GPNMB: variants seen among roughly 807,000 people sequenced by gnomAD.
GPNMB encodes the protein glycoprotein nmb, also known as transmembrane glycoprotein NMB.
A neutral mutation model predicts 57.3 loss-of-function variants in GPNMB; 71 were observed. The observed-to-expected ratio is 1.24, with a 90% confidence interval of 1.02 to 1.51. The LOEUF (loss-of-function observed/expected upper bound fraction) is 1.51, where lower values mean the gene tolerates loss of function less well. Ranked by LOEUF, GPNMB falls within the 40% of genes most tolerant of loss-of-function variation. The pLI, the probability that GPNMB is intolerant of heterozygous loss-of-function variation, is 0.00. For missense variants in GPNMB, 677 were observed against 691.9 expected, an observed-to-expected ratio of 0.98 and a Z score of 0.24; for synonymous variants, 253 against 263.2, an observed-to-expected ratio of 0.96 and a Z score of 0.38.
At chr7:23,260,270 A>G (rs1303470768) in intron 5 of GPNMB, 132 bp downstream of exon 5, 2 of 1,066,282 alleles carry the variant, frequency 1.9e-6, no homozygotes, top group African/African-American at 3.2e-5. Context: ...TGTGTATTTA[A>G]TTAGTTGTAG....
chr7:23,266,703 G>A, intron 7 of GPNMB, 88 bp downstream of exon 7: 2 of 1,225,376 alleles, frequency 1.6e-6, no homozygotes, highest in Middle Eastern at 2.0e-4. Context: ...AAGGGGTAGA[G>A]GTAGGTGGTA....
rs1783292277 is a variant in GPNMB at position 23,274,552 on chromosome 7, G to A, written c.*328G>A. 1 of 183,532 alleles carries A rather than the reference G, an allele frequency of 5.4e-6. No homozygotes were observed. Among genetic ancestry groups the A allele is most frequent in the Non-Finnish European group, 1.1e-5 (1 of 88,456 alleles). 11.4% of individuals were successfully genotyped at this position (183,532 alleles called of 1,614,324 possible). On this transcript the variant is annotated 3_prime_UTR_variant, in exon 11 of 11. Transcript: ENST00000258733. ...AGGAGAGAAGCTACTATTGATTAGAGCCTAACCCAGGTTAACTGCAAGAAG... is the reference window on the plus strand; with the variant it reads ...AGGAGAGAAGCTACTATTGATTAGAACCTAACCCAGGTTAACTGCAAGAAG...
At chr7:23,269,940 C>T (rs369473927) in intron 8 of GPNMB, 27 bp from the exon 9 acceptor site, 76 of 1,554,342 alleles carry the variant, frequency 4.9e-5, no homozygotes, top group South Asian at 3.4e-4. Context: ...GTGCCCTGTG[C>T]GCCCTCGCCC....
In GPNMB at chr7:23,270,117, C is replaced by T. The variant is rs1562643904; in HGVS notation, c.1371C>T (p.Thr457=). The T allele has an allele frequency of 2.5e-6, 4 of 1,614,118 alleles. No homozygotes were observed. Among genetic ancestry groups the T allele is most frequent in the South Asian group, 1.1e-5 (1 of 91,084 alleles). ...NGSGTYCVNL[T]LGDDTSLALT... ...CTGGGACGTACTGTGTGAACCTCAC[C>T]CTGGGGGATGACACAAGCCTGGCTC... Residue 457 remains threonine (T), a synonymous_variant, in exon 9 of 11, where the codon ACC becomes ACT. Coordinates refer to ENST00000258733, the MANE Select transcript of GPNMB (RefSeq NM_002510.3).
intron 6 of GPNMB, 46 bp from the exon 7 acceptor site, chr7:23,266,471 A>T: frequency 6.3e-7 from 1 of 1,592,476 alleles, no homozygotes; most frequent in South Asian, 1.1e-5. Context: ...TGTATCTTTT[A>T]TGTTCGTAGC....
intron 4 of GPNMB, among the ~76,000 whole-genome samples, chr7:23,258,934 T>C (rs768760865): frequency 1.3e-5 from 2 of 152,190 alleles, no homozygotes; most frequent in South Asian, 4.1e-4. Flanking sequence ...CAGTGACAGG[T>C]CTAAACCAGG....
At chr7:23,273,707 T>C in intron 10 of GPNMB, 93 bp downstream of exon 10, 1 of 832,678 alleles carries the variant, frequency 1.2e-6, no homozygotes, top group Non-Finnish European at 2.0e-6. Context: ...CCTTTTTTGC[T>C]TTTAAACATT....
intron 6 of GPNMB, among the ~76,000 whole-genome samples, chr7:23,263,437 C>T (rs1028629713): frequency 3.3e-5 from 5 of 151,792 alleles, no homozygotes; most frequent in Non-Finnish European, 2.9e-5. Context: ...CATGGTGAAA[C>T]CCCGTCTCTA....
Position 23,246,848 on chromosome 7 carries a change from A to C in GPNMB, c.-10A>C, listed in dbSNP as rs1782541491. ...TAAACCTTGAGTGCCTGCGTCCGTG[A>C]GAATTCAGCATGGAATGTCTCTACT... is the stretch of plus-strand genomic sequence containing the variant. On this transcript the variant is annotated 5_prime_UTR_variant, in exon 1 of 11. Coordinates refer to ENST00000258733, the MANE Select transcript of GPNMB (RefSeq NM_002510.3). The C allele has an allele frequency of 6.2e-7, 1 of 1,611,452 alleles. No homozygotes were observed. Among genetic ancestry groups the C allele is most frequent in the South Asian group, 1.1e-5 (1 of 91,044 alleles).
At chr7:23,256,831 C>T in intron 3 of GPNMB, 61 bp from the exon 4 acceptor site, 3 of 1,341,110 alleles carry the variant, frequency 2.2e-6, no homozygotes, top group Non-Finnish European at 3.2e-6. Flanking sequence ...TTCAGTGATG[C>T]ATGCACATTG....
At chr7:23,262,002 A>G (rs1459291699) in intron 6 of GPNMB, among the ~76,000 whole-genome samples, 1 of 152,142 alleles carries the variant, frequency 6.6e-6, no homozygotes, top group Non-Finnish European at 1.5e-5. Flanking sequence ...TCCTGGGGAT[A>G]GCAATAGGCT....
At chr7:23,259,071 A>C (rs1782848099) in intron 4 of GPNMB, among the ~76,000 whole-genome samples, 1 of 152,252 alleles carries the variant, frequency 6.6e-6, no homozygotes, top group African/African-American at 2.4e-5. Flanking sequence ...GTTAGCTAGC[A>C]GCAGGGAGGG....
At chr7:23,260,232 G>A in intron 5 of GPNMB, 94 bp downstream of exon 5, 1 of 1,321,900 alleles carries the variant, frequency 7.6e-7, no homozygotes, top group Non-Finnish European at 1.1e-6. Flanking sequence ...TCGGGGTTAG[G>A]TTACAATGCA....
chr7:23,258,795 A>G (rs1782841423), intron 4 of GPNMB, among the ~76,000 whole-genome samples: 2 of 152,202 alleles, frequency 1.3e-5, no homozygotes, highest in Non-Finnish European at 2.9e-5. Context: ...CTGCATCTCA[A>G]CGTGAAGGAG....
intron 4 of GPNMB, chr7:23,257,304 C>A (rs2128482135): frequency 1.7e-6 from 1 of 586,484 alleles, no homozygotes; most frequent in Non-Finnish European, 3.0e-6. Context: ...AGCTCTTTTT[C>A]AAAAAAACAA....
At chr7:23,264,453 A>G (rs1052137783) in intron 6 of GPNMB, among the ~76,000 whole-genome samples, 3 of 151,610 alleles carry the variant, frequency 2.0e-5, no homozygotes, top group Non-Finnish European at 4.4e-5. Flanking sequence ...GCTCACTGCA[A>G]CCTCTGCCTT....
In GPNMB at chr7:23,264,292, C is replaced by T. The variant is rs140746915; in HGVS notation, c.1019-2225C>T. ...TTTCTCATCTGTCTTTTAAGGTGTG[C>T]GTTTCTCTCCATTAGCCCTTGAATC... On this transcript the variant is annotated intron_variant, in intron 6 of 10. Coordinates refer to ENST00000258733, the MANE Select transcript of GPNMB (RefSeq NM_002510.3). Among the ~76,000 whole-genome samples, 827 of 152,216 alleles carry T rather than the reference C, an allele frequency of 5.4e-3. 7 individuals carry two copies. Among genetic ancestry groups the T allele is most frequent in the African/African-American group, 0.018 (759 of 41,542 alleles).
chr7:23,263,476 G>T (rs1315979897), intron 6 of GPNMB, among the ~76,000 whole-genome samples: 1 of 152,028 alleles, frequency 6.6e-6, no homozygotes, highest in Non-Finnish European at 1.5e-5. Flanking sequence ...GCCGGGTGTG[G>T]TGGAGAGTGT....
chr7:23,273,300 G>A (rs868481149), intron 9 of GPNMB: 15 of 494,392 alleles, frequency 3.0e-5, no homozygotes, highest in Non-Finnish European at 5.3e-5. Flanking sequence ...TCTCTCCCCC[G>A]CGCCCTTACC....
Sources: gnomAD v4.1 joint callset for allele counts (sites outside exome capture counted in the v4.1 genomes callset) on GRCh38, gnomAD v4.1.1 for gene constraint, MANE v1.5 for transcripts, NCBI Gene and HGNC (gene_info 2026-07-23, HGNC 2026-07-21) for gene names.